Variants in MEGF8 observed in about 807,000 individuals in gnomAD.
The protein encoded by MEGF8 is multiple epidermal growth factor-like domains protein 8.
MEGF8 carries 156 observed loss-of-function variants against 302.9 expected under a neutral mutation model. That is an observed-to-expected ratio of 0.52 (90% CI 0.45 to 0.59). The LOEUF is 0.59. Ranked by LOEUF, MEGF8 falls within the 20% of genes least tolerant of loss-of-function variation. The pLI is 0.00. For missense variants in MEGF8, 3,345 were observed against 3,964.5 expected (o/e 0.84, Z 4.20); for synonymous variants, 1,621 against 1,660.5 (o/e 0.98, Z 0.58).
intron 35 of MEGF8, among the ~76,000 whole-genome samples, chr19:42,365,603 C>CA (rs549607065): frequency 0.033 from 1,746 of 53,018 alleles, 30 homozygotes; most frequent in African/African-American, 0.088. Flanking sequence ...CTCATCTCTA[C>CA]AAAAAAAAAA....
rs1414334742 is a variant in MEGF8, at chr19:42,344,879, C to T, written c.2097+46C>T. On this transcript the variant is annotated intron_variant, in intron 12 of 41. Coordinates refer to ENST00000251268, the MANE Select transcript of MEGF8 (RefSeq NM_001271938.2). The surrounding 1 kb of genome is among the most constrained non-coding windows in gnomAD (Gnocchi z 4.5). ...TGGGTGGGGTGTTGATGATCCTGAT[C>T]CTAGGGTTTGTTTTTTCTCAAATGC... 2.0e-6 allele frequency: 3 copies of T among 1,470,986 alleles called. No individual in the cohort carries two copies. In the African/African-American group the frequency reaches 4.3e-5, roughly 21 times the overall value. 91.1% of individuals were successfully genotyped at this position (1,470,986 alleles called of 1,614,324 possible).
chr19:42,376,739 G>A lies in MEGF8; in HGVS notation c.8502G>A (p.Leu2834=). ...GHGTGAGRKG[L]LSQDNLTSMS... is the part of the protein sequence containing the mutation. ...GGACTGGTGCGGGCCGGAAGGGACT[G>A]TTGAGCCAGGACAACCTCACCAGCA... The change falls in exon 42 of 42, where the codon CTG becomes CTA. Residue 2834 remains leucine, a synonymous_variant. Transcript: ENST00000251268. This position sits in a 1 kb window ranked among gnomAD's most constrained non-coding sequence, Gnocchi z 8.2. The A allele has an allele frequency of 6.8e-7, 1 of 1,470,206 alleles. No homozygotes were observed. Among genetic ancestry groups the A allele is most frequent in the Non-Finnish European group, 9.0e-7 (1 of 1,111,980 alleles). 91.1% of individuals were successfully genotyped at this position (1,470,206 alleles called of 1,614,324 possible).
chr19:42,328,861 A>G (rs955478070), intron 1 of MEGF8, among the ~76,000 whole-genome samples: 1 of 152,076 alleles, frequency 6.6e-6, no homozygotes, highest in African/African-American at 2.4e-5. Flanking sequence ...AAAAAAAAAG[A>G]AAAAACGTCT....
chr19:42,355,620 T>A, intron 23 of MEGF8, 138 bp from the exon 24 acceptor site: 1 of 1,259,572 alleles, frequency 7.9e-7, no homozygotes, highest in Non-Finnish European at 1.1e-6. Flanking sequence ...GGGTGCAGAA[T>A]GGTTCATCCT....
Position 42,333,715 on chromosome 19 carries a change from G to A in MEGF8, c.298G>A (p.Ala100Thr), listed in dbSNP as rs745530684. ...DGDSPRGPLL[A>T]SLSGSTRPPP... ...TGACTCCCCGCGAGGGCCGCTGCTT[G>A]CCAGTCTAAGTGGGAGCACCCGACC... Residue 100 changes from alanine to threonine, a missense_variant, in exon 2 of 42, where the codon GCC becomes ACC. Physicochemically the swap from Ala to Thr is moderately conservative, Grantham distance 58 (BLOSUM62 0). Coordinates refer to ENST00000251268, the MANE Select transcript of MEGF8 (RefSeq NM_001271938.2). The A allele has an allele frequency of 1.2e-6, 2 of 1,614,002 alleles. No homozygotes were observed. Among genetic ancestry groups the A allele is most frequent in the South Asian group, 2.2e-5 (2 of 91,086 alleles).
chr19:42,375,869 G>T lies in MEGF8; in HGVS notation c.7632G>T (p.Arg2544=). The T allele has an allele frequency of 6.2e-7, 1 of 1,607,002 alleles. No individual in the cohort carries two copies. Among genetic ancestry groups the T allele is most frequent in the Non-Finnish European group, 8.5e-7 (1 of 1,176,822 alleles). The part of the protein sequence containing the change: ...PPPPPADGGP[R]GAGDPGGAGA... ...CACCCCCTGCAGATGGTGGGCCCCG[G>T]GGGGCTGGGGATCCAGGAGGAGCAG... is the stretch of plus-strand genomic sequence containing the variant. The change falls in exon 42 of 42, where the codon CGG becomes CGT. Residue 2544 remains arginine (R), a synonymous_variant. Coordinates refer to ENST00000251268, the MANE Select transcript of MEGF8 (RefSeq NM_001271938.2). The surrounding 1 kb of genome is among the most constrained non-coding windows in gnomAD (Gnocchi z 7.1).
At chr19:42,360,390 G>A (rs1372156409) in intron 31 of MEGF8, among the ~76,000 whole-genome samples, 3 of 146,886 alleles carry the variant, frequency 2.0e-5, no homozygotes, top group Admixed American at 1.4e-4. Context: ...CTGTTGCCCA[G>A]GCTGGAGTGC....
chr19:42,361,633 C>A (rs1474043954), intron 32 of MEGF8, among the ~76,000 whole-genome samples: 1 of 152,138 alleles, frequency 6.6e-6, no homozygotes, highest in Non-Finnish European at 1.5e-5. Flanking sequence ...AACGTGTGTA[C>A]CTCTTGGGAT....
intron 8 of MEGF8, among the ~76,000 whole-genome samples, chr19:42,338,245 T>G (rs1416558827): frequency 1.3e-5 from 2 of 151,826 alleles, no homozygotes; most frequent in Non-Finnish European, 2.9e-5. Context: ...GTTTTTTTTT[T>G]GTTTTTTTTT....
chr19:42,351,069 G>T lies in MEGF8; in HGVS notation c.2737-147G>T. On this transcript the variant is annotated intron_variant, in intron 15 of 41. Coordinates refer to ENST00000251268, the MANE Select transcript of MEGF8 (RefSeq NM_001271938.2). The surrounding 1 kb of genome is among the most constrained non-coding windows in gnomAD (Gnocchi z 5.6). ...GACCCATGGGTGTCTGTGGTCGAAG[G>T]GAGGGGTCCAGAGACGCAGGCAGCT... The T allele has an allele frequency of 1.4e-6, 1 of 709,434 alleles. No individual in the cohort carries two copies. The allele number at this position is 709,434 out of a possible 1,614,324, so 43.9% of individuals were successfully genotyped here. A position where few individuals can be genotyped will look rare whatever the true frequency, so the allele number is the denominator to read the frequency against.
Position 42,358,429 on chromosome 19 carries a change from A to T in MEGF8, c.5175+122A>T. 8.2e-7 allele frequency: 1 copy of T among 1,218,214 alleles called. No homozygotes were observed. The highest frequency in any genetic ancestry group is 1.1e-6 in the Non-Finnish European group (1 of 897,756). 75.5% of individuals were successfully genotyped at this position (1,218,214 alleles called of 1,614,324 possible). ...CTTCCCCTCCTTTCTATGTTCCCTA[A>T]CTAAGCGACACCCCCACATCTCCCC... On this transcript the variant is annotated intron_variant, in intron 29 of 41. Coordinates refer to ENST00000251268, the MANE Select transcript of MEGF8 (RefSeq NM_001271938.2). The surrounding 1 kb of genome is among the most constrained non-coding windows in gnomAD (Gnocchi z 4.4).
Position 42,344,806 on chromosome 19 carries a change from G to A in MEGF8, c.2070G>A (p.Gln690=). Residue 690 remains glutamine, a synonymous_variant, in exon 12 of 42, where the codon CAG becomes CAA. Transcript: ENST00000251268. The surrounding 1 kb of genome is among the most constrained non-coding windows in gnomAD (Gnocchi z 4.5). ...LPGLHLLTFQ[Q]PPNTSQPDKV... ...GCCTGCACTTGCTCACCTTTCAGCA[G>A]CCGCCCAATACCTCCCAGCCTGACA... is the stretch of plus-strand genomic sequence containing the variant. 6.2e-7 allele frequency: 1 copy of A among 1,601,054 alleles called. No homozygotes were observed. The highest frequency in any genetic ancestry group is 8.5e-7 in the Non-Finnish European group (1 of 1,172,752).
chr19:42,350,981 C>T, intron 15 of MEGF8: 1 of 566,528 alleles, frequency 1.8e-6, no homozygotes, highest in Non-Finnish European at 3.1e-6. Context: ...TTGAATAAGC[C>T]CCACCCGGAC....
chr19:42,373,653 C>T (rs1166721798), intron 41 of MEGF8, among the ~76,000 whole-genome samples: 1 of 146,322 alleles, frequency 6.8e-6, no homozygotes, highest in Non-Finnish European at 1.5e-5. Context: ...ACCTTGGCTT[C>T]TCAAAGTGTT....
Position 42,344,582 on chromosome 19 carries a change from C to T in MEGF8, c.1930C>T (p.Pro644Ser). ...CVHNESCLPR[P>S]EQARCRGEQI... Reference sequence around the variant, plus strand: ...GCACAATGAGAGCTGCCTCCCTAGGCCTGGTGAGTGTCCGCAGCAGTGGGC... The same window carrying T: ...GCACAATGAGAGCTGCCTCCCTAGGTCTGGTGAGTGTCCGCAGCAGTGGGC... Residue 644 changes from proline (P) to serine (S), a missense_variant, in exon 11 of 42, where the codon CCT (proline) becomes TCT (serine). Pro to Ser is a moderately conservative substitution (Grantham distance 74). Coordinates refer to ENST00000251268, the MANE Select transcript of MEGF8 (RefSeq NM_001271938.2). The surrounding 1 kb of genome is among the most constrained non-coding windows in gnomAD (Gnocchi z 4.5). 3 of 1,591,860 alleles carry T rather than the reference C, an allele frequency of 1.9e-6. No individual in the cohort carries two copies. The highest frequency in any genetic ancestry group is 1.7e-6 in the Non-Finnish European group (2 of 1,170,572).
Position 42,368,402 on chromosome 19 carries a change from T to C in MEGF8, c.6274-53T>C. On this transcript the variant is annotated intron_variant, in intron 35 of 41. Coordinates refer to ENST00000251268, the MANE Select transcript of MEGF8 (RefSeq NM_001271938.2). This position sits in a 1 kb window ranked among gnomAD's most constrained non-coding sequence, Gnocchi z 4.9. ...ATACCCAGAATGTGTTTGTTTAAGC[T>C]TATTTCCCCATCTCTCTCTTCCCTG... is the stretch of plus-strand genomic sequence containing the variant. 6.9e-7 allele frequency: 1 copy of C among 1,449,396 alleles called. No individual in the cohort carries two copies. 89.8% of individuals were successfully genotyped at this position (1,449,396 alleles called of 1,614,324 possible). A position where few individuals can be genotyped will look rare whatever the true frequency, so the allele number is the denominator to read the frequency against.
rs747188342 is a variant in MEGF8, at chr19:42,336,797, C to A, written c.1245-10C>A. 2 of 1,573,260 alleles carry A rather than the reference C, an allele frequency of 1.3e-6. No homozygotes were observed. The highest frequency in any genetic ancestry group is 1.7e-6 in the Non-Finnish European group (2 of 1,160,128). ...TGCCCTGAGCCCCTGCCCTGCTTCT[C>A]CTTCGGTAGGTTCTCTGTGCGAGTG... is the stretch of plus-strand genomic sequence containing the variant. On this transcript the variant is annotated splice_polypyrimidine_tract_variant and intron_variant, in intron 6 of 41. Transcript: ENST00000251268. The surrounding 1 kb of genome is among the most constrained non-coding windows in gnomAD (Gnocchi z 4.8).
Position 42,369,450 on chromosome 19 carries a change from G to T in MEGF8, c.6642-81G>T. On this transcript the variant is annotated intron_variant, in intron 37 of 41. Transcript: ENST00000251268. This position sits in a 1 kb window ranked among gnomAD's most constrained non-coding sequence, Gnocchi z 5.7. ...GGATGAGCAACCAGTTGAGAAGAGG[G>T]TGGGGTAGTTGGTTGGGTGCTAGGC... The T allele has an allele frequency of 7.1e-7, 1 of 1,417,690 alleles. No homozygotes were observed. The highest frequency in any genetic ancestry group is 9.6e-7 in the Non-Finnish European group (1 of 1,037,422). The allele number at this position is 1,417,690 out of a possible 1,614,324, so 87.8% of individuals were successfully genotyped here.
Position 42,348,414 on chromosome 19 carries a change from G to A in MEGF8, c.2240G>A (p.Arg747Gln), listed in dbSNP as rs747864649. 7 of 1,536,364 alleles carry A rather than the reference G, an allele frequency of 4.6e-6. No homozygotes were observed. The highest frequency in any genetic ancestry group is 5.2e-6 in the Non-Finnish European group (6 of 1,146,254). The change falls in exon 13 of 42, where the codon CGG becomes CAG. Residue 747 changes from arginine (R) to glutamine (Q), a missense_variant. Transcript: ENST00000251268. Reference sequence around the variant, plus strand: ...GCTGAGGACGTGGCCGTGTGGACGCGGGCCCAGCGCCTACACGTCCTGGCC... The same window carrying A: ...GCTGAGGACGTGGCCGTGTGGACGCAGGCCCAGCGCCTACACGTCCTGGCC... ...PGAEDVAVWT[R>Q]AQRLHVLARM...
Sources: gnomAD v4.1 joint callset for allele counts (sites outside exome capture counted in the v4.1 genomes callset) on GRCh38, gnomAD v4.1.1 for gene constraint, Gnocchi (gnomAD v3.1) non-coding constraint, MANE v1.5 for transcripts, NCBI Gene and HGNC (gene_info 2026-07-23, HGNC 2026-07-21) for gene names.